UTS2: variants seen among roughly 807,000 people sequenced by gnomAD.
UTS2 encodes urotensin 2.
A neutral mutation model predicts 12.6 loss-of-function variants in UTS2; 10 were observed. The observed-to-expected ratio is 0.80, with a 90% CI of 0.49 to 1.35. The LOEUF (loss-of-function observed/expected upper bound fraction) is 1.35, where lower values mean the gene tolerates loss of function less well. UTS2 is among the 40% of genes most tolerant of loss of function. The pLI is 0.00. For missense variants in UTS2, 142 were observed against 143.2 expected (o/e 0.99, Z 0.04); for synonymous variants, 52 against 50.0 (o/e 1.04, Z -0.17).
the UTS2 span, among the ~76,000 whole-genome samples, chr1:7,901,606 ATGTGTG>A: frequency 1.6e-5 from 2 of 126,784 alleles, no homozygotes; most frequent in Non-Finnish European, 3.4e-5. Flanking sequence ...ATATTCATCT[ATGTGTG>A]TGTGTGTGTG....
At chr1:7,902,848 G>A in the UTS2 span, among the ~76,000 whole-genome samples, 1 of 152,142 alleles carries the variant, frequency 6.6e-6, no homozygotes, top group Admixed American at 6.5e-5. Flanking sequence ...CCCTGAAGAA[G>A]AGGCCTAAAT....
At chr1:7,893,471 G>A in the UTS2 span, among the ~76,000 whole-genome samples, 8,132 of 149,766 alleles carry the variant, frequency 0.054, 1,041 homozygotes, top group East Asian at 0.47. Context: ...CAGCCTGGAC[G>A]ACAGAGCCAG....
At chr1:7,861,847 G>A in the UTS2 span, among the ~76,000 whole-genome samples, 2 of 152,130 alleles carry the variant, frequency 1.3e-5, no homozygotes. Context: ...TTGGTGACAA[G>A]TAGGTTTTGG....
At chr1:7,891,048 T>G in the UTS2 span, among the ~76,000 whole-genome samples, 10 of 149,984 alleles carry the variant, frequency 6.7e-5, no homozygotes, top group East Asian at 2.0e-3. Flanking sequence ...AGCCATGCAG[T>G]GGAATATTAT....
At chr1:7,891,723 G>C in the UTS2 span, among the ~76,000 whole-genome samples, 3 of 152,026 alleles carry the variant, frequency 2.0e-5, no homozygotes, top group African/African-American at 4.8e-5. Flanking sequence ...ACATCATGCT[G>C]TGTACCATAA....
chr1:7,891,536 A>AAAAGAAAAGAAAGAAAG, the UTS2 span, among the ~76,000 whole-genome samples: 1 of 109,820 alleles, frequency 9.1e-6, no homozygotes, highest in Non-Finnish European at 1.8e-5. Context: ...AGAAAGAAAG[A>AAAAGAAAAGAAAGAAAG]AAAGAAAGAA....
the UTS2 span, among the ~76,000 whole-genome samples, chr1:7,861,342 A>G: frequency 1.3e-5 from 2 of 152,182 alleles, no homozygotes; most frequent in African/African-American, 2.4e-5. Flanking sequence ...GAATGCTGGC[A>G]ACTTTGACAA....
the UTS2 span, among the ~76,000 whole-genome samples, chr1:7,869,837 C>A: frequency 6.6e-6 from 1 of 152,354 alleles, no homozygotes; most frequent in South Asian, 2.1e-4. Context: ...ACTCAGATGT[C>A]ACCTGAATGA....
the UTS2 span, among the ~76,000 whole-genome samples, chr1:7,905,151 T>TC: frequency 6.6e-6 from 1 of 150,860 alleles, no homozygotes; most frequent in African/African-American, 2.4e-5. Flanking sequence ...TTTTTTCTTT[T>TC]TTTTTTTTTT....
chr1:7,909,070 C>T, the UTS2 span, among the ~76,000 whole-genome samples: 2 of 152,020 alleles, frequency 1.3e-5, no homozygotes, highest in Non-Finnish European at 2.9e-5. Flanking sequence ...GGATTACAGC[C>T]GTGAGCCACC....
rs371311224 is a variant in UTS2, at chr1:7,850,493, G to A, written c.214+319C>T. 3.0e-4 allele frequency among the ~76,000 whole-genome samples: 46 copies of A among 151,912 alleles called. 2 individuals carry two copies. The highest frequency in any genetic ancestry group is 1.0e-3 in the African/African-American group (43 of 41,516). Reference sequence around the variant, plus strand: ...CTGGAGTACAGAAAGATTACTTTAAGTTTTCAGTAAACGGGAAACTAGGAT... The same window carrying A: ...CTGGAGTACAGAAAGATTACTTTAAATTTTCAGTAAACGGGAAACTAGGAT... On this transcript the variant is annotated intron_variant, in intron 2 of 3. Transcript: ENST00000361696.
At chr1:7,865,491 G>T in the UTS2 span, among the ~76,000 whole-genome samples, 4,418 of 11,814 alleles carry the variant, frequency 0.37, 914 homozygotes, top group Middle Eastern at 0.82. Flanking sequence ...TGTGTCTGTC[G>T]GTCCGATACC....
At chr1:7,863,577 C>G in the UTS2 span, among the ~76,000 whole-genome samples, 1 of 152,092 alleles carries the variant, frequency 6.6e-6, no homozygotes, top group Admixed American at 6.6e-5. Flanking sequence ...CTGATGTATC[C>G]CAAGTGCCTA....
chr1:7,849,192 C>G (rs1016310156), intron 3 of UTS2, among the ~76,000 whole-genome samples: 2 of 152,086 alleles, frequency 1.3e-5, no homozygotes, highest in African/African-American at 4.8e-5. Flanking sequence ...AAAATTAATG[C>G]TTTGAAATAA....
At chr1:7,906,559 T>G in the UTS2 span, among the ~76,000 whole-genome samples, 1 of 152,034 alleles carries the variant, frequency 6.6e-6, no homozygotes, top group Non-Finnish European at 1.5e-5. Flanking sequence ...AGATTTTTTT[T>G]CTTGACTTTA....
upstream of UTS2, chr1:7,853,605 C>T (rs1638221435): frequency 1.3e-6 from 1 of 779,776 alleles, no homozygotes; most frequent in Non-Finnish European, 2.0e-6. Context: ...TCTGTACATA[C>T]ACGTGGCCTC....
At chr1:7,863,000 ATTGT>A in the UTS2 span, among the ~76,000 whole-genome samples, 3 of 19,312 alleles carry the variant, frequency 1.6e-4, no homozygotes, top group Non-Finnish European at 1.2e-4. Context: ...GTTGTATTGT[ATTGT>A]ATTGTATTGT....
the UTS2 span, among the ~76,000 whole-genome samples, chr1:7,862,165 C>T: frequency 6.6e-6 from 1 of 151,820 alleles, no homozygotes; most frequent in African/African-American, 2.4e-5. Flanking sequence ...CCCCCCCCGC[C>T]CCCGCAACTT....
At chr1:7,909,632 T>A in the UTS2 span, among the ~76,000 whole-genome samples, 2 of 152,102 alleles carry the variant, frequency 1.3e-5, no homozygotes, top group Non-Finnish European at 2.9e-5. Flanking sequence ...ATTTTATATT[T>A]TTTTTTGAGA....
Sources: gnomAD v4.1 joint callset for allele counts (sites outside exome capture counted in the v4.1 genomes callset) on GRCh38, gnomAD v4.1.1 for gene constraint, MANE v1.5 for transcripts, NCBI Gene and HGNC (gene_info 2026-07-23, HGNC 2026-07-21) for gene names.